NAA15: variants seen among roughly 807,000 people sequenced by gnomAD.
The protein encoded by NAA15 is N-terminal acetyltransferase.
In NAA15, 34 loss-of-function variants were observed where a neutral mutation model predicts 114.0. The observed-to-expected ratio is 0.30, with a 90% CI of 0.23 to 0.40. The LOEUF (loss-of-function observed/expected upper bound fraction) is 0.40. NAA15 is among the 10% of genes least tolerant of loss of function. The pLI, the probability that NAA15 is intolerant of heterozygous loss-of-function variation, is 1.00. For synonymous variants in NAA15, 340 were observed against 338.0 expected, an observed-to-expected ratio of 1.01 and a Z score of -0.06; for missense variants, 658 against 1,004.5, an observed-to-expected ratio of 0.66 and a Z score of 4.66.
At chr4:139,366,603 G>GTT (rs56010406) in intron 14 of NAA15, among the ~76,000 whole-genome samples, 257 of 144,170 alleles carry the variant, frequency 1.8e-3, no homozygotes, top group South Asian at 3.8e-3. Flanking sequence ...TCATTTTTGG[G>GTT]TTTTTTTTTT....
Position 139,359,740 on chromosome 4 carries a change from A to C in NAA15, c.1258-3A>C. 3 of 1,599,520 alleles carry C rather than the reference A, an allele frequency of 1.9e-6. No individual in the cohort carries two copies. Among genetic ancestry groups the C allele is most frequent in the Non-Finnish European group, 2.5e-6 (3 of 1,176,644 alleles). ...GGTTTATTTTGCTTTTGTACCTTAT[A>C]AGCATGCTGGAAATATTAAAGAAGC... On this transcript the variant is annotated splice_polypyrimidine_tract_variant and splice_region_variant and intron_variant, in intron 11 of 19. Coordinates refer to ENST00000296543, the MANE Select transcript of NAA15 (RefSeq NM_057175.5).
In NAA15 at chr4:139,342,808, A is replaced by G. The variant is rs748263793; in HGVS notation, c.403-18A>G. ...ACTAAAAGCCTAAGAAAAAGTGTTT[A>G]TTTTTTTCCTTTTAAAGGAAACGAG... is the stretch of plus-strand genomic sequence containing the variant. On this transcript the variant is annotated intron_variant, in intron 4 of 19. Coordinates refer to ENST00000296543, the MANE Select transcript of NAA15 (RefSeq NM_057175.5). 9 of 1,598,794 alleles carry G rather than the reference A, an allele frequency of 5.6e-6. No homozygotes were observed. In the South Asian group the frequency reaches 1.0e-4, roughly 18 times the overall value.
At position 139,378,872 on chromosome 4, in the gene NAA15, A is replaced by T. The variant is rs774310964; in HGVS notation, c.2155+18A>T. 6.9e-7 allele frequency: 1 copy of T among 1,451,554 alleles called. No individual in the cohort carries two copies. The highest frequency in any genetic ancestry group is 9.3e-7 in the Non-Finnish European group (1 of 1,070,380). The allele number at this position is 1,451,554 out of a possible 1,614,324, so 89.9% of individuals were successfully genotyped here. ...TAATACTGGTATGTTTTTGTTTTCCATTACTTAAGTATTTGATACAGTGGT... is the reference window on the plus strand; with the variant it reads ...TAATACTGGTATGTTTTTGTTTTCCTTTACTTAAGTATTTGATACAGTGGT... On this transcript the variant is annotated intron_variant, in intron 17 of 19. Transcript: ENST00000296543.
chr4:139,372,092 A>T (rs528481934), intron 15 of NAA15, among the ~76,000 whole-genome samples: 265 of 151,824 alleles, frequency 1.7e-3, no homozygotes, highest in Middle Eastern at 3.4e-3. Context: ...ATTTTTTTGT[A>T]TTTTTAGTAG....
intron 9 of NAA15, among the ~76,000 whole-genome samples, chr4:139,351,847 T>C (rs187764614): frequency 6.6e-5 from 10 of 152,310 alleles, no homozygotes; most frequent in African/African-American, 1.4e-4. Context: ...AAACTTTTAA[T>C]GAGTCACTGT....
intron 1 of NAA15, among the ~76,000 whole-genome samples, chr4:139,327,103 T>A (rs1173806176): frequency 6.6e-6 from 1 of 152,070 alleles, no homozygotes; most frequent in Non-Finnish European, 1.5e-5. Context: ...GCCTGGCTAA[T>A]TTTTTGATTT....
At chr4:139,373,881 T>A (rs1748511499) in intron 15 of NAA15, among the ~76,000 whole-genome samples, 2 of 152,204 alleles carry the variant, frequency 1.3e-5, no homozygotes, top group South Asian at 4.1e-4. Flanking sequence ...TGTTTTGTAT[T>A]TTTAGTAGAG....
intron 19 of NAA15, 121 bp downstream of exon 19, chr4:139,386,351 T>G: frequency 2.0e-6 from 1 of 511,080 alleles, no homozygotes; most frequent in Non-Finnish European, 3.4e-6. Context: ...CAGAAACAAC[T>G]TATCTTAAAA....
intron 7 of NAA15, 67 bp from the exon 8 acceptor site, chr4:139,351,124 C>T (rs1261646246): frequency 1.5e-5 from 11 of 756,270 alleles, no homozygotes; most frequent in South Asian, 2.7e-5. Flanking sequence ...TTGAGAAGTT[C>T]GTAATTTTCC....
In NAA15 at chr4:139,375,485, G is replaced by A. The variant is rs570571175; in HGVS notation, c.1948-880G>A. Among the ~76,000 whole-genome samples, 12 of 151,644 alleles carry A rather than the reference G, an allele frequency of 7.9e-5. 1 individual carries two copies. The East Asian group carries it at 2.3e-3, about 29-fold the overall frequency. On this transcript the variant is annotated intron_variant, in intron 15 of 19. Coordinates refer to ENST00000296543, the MANE Select transcript of NAA15 (RefSeq NM_057175.5). ...TTTCTTTTCTTTTTTTAAATGCAGT[G>A]AAACAATTTTCTTGCCCAGAAGCTG...
chr4:139,334,322 T>C (rs1007150470), intron 2 of NAA15, 64 bp downstream of exon 2: 78 of 1,058,390 alleles, frequency 7.4e-5, no homozygotes, highest in Non-Finnish European at 1.0e-4. Flanking sequence ...GATTGTATTC[T>C]TCCCAGCTGC....
At position 139,388,034 on chromosome 4, in the gene NAA15, G is replaced by A. The variant is rs775856940; in HGVS notation, c.2551G>A (p.Val851Ile). 1 of 1,613,924 alleles carries A rather than the reference G, an allele frequency of 6.2e-7. No homozygotes were observed. Among genetic ancestry groups the A allele is most frequent in the Non-Finnish European group, 8.5e-7 (1 of 1,179,908 alleles). Reference sequence around the variant, plus strand: ...ATATGAAGAGGATATGAAGATCACAGTTAATGGAGATAGTTCTGCAGAAGC... The same window carrying A: ...ATATGAAGAGGATATGAAGATCACAATTAATGGAGATAGTTCTGCAGAAGC... ...PGYEEDMKIT[V>I]NGDSSAEAEE... Residue 851 changes from valine (V) to isoleucine (I), a missense_variant, in exon 20 of 20, where the codon GTT becomes ATT. Val to Ile is a conservative substitution (Grantham distance 29). Transcript: ENST00000296543.
chr4:139,308,062 C>T (rs1018046383), intron 1 of NAA15, among the ~76,000 whole-genome samples: 1 of 152,002 alleles, frequency 6.6e-6, no homozygotes, highest in East Asian at 1.9e-4. Context: ...CCCGGGTTCA[C>T]GCCATTCTCC....
chr4:139,378,896 G>T, intron 17 of NAA15, 42 bp downstream of exon 17: 1 of 1,232,318 alleles, frequency 8.1e-7, no homozygotes, highest in Non-Finnish European at 1.1e-6. Context: ...TGATACAGTG[G>T]TTGATGGTGA....
intron 6 of NAA15, among the ~76,000 whole-genome samples, chr4:139,347,404 A>G (rs935853109): frequency 2.0e-5 from 3 of 151,264 alleles, no homozygotes; most frequent in Admixed American, 2.0e-4. Context: ...GGCTGAGACC[A>G]GAGGATCACT....
Position 139,359,867 on chromosome 4 carries a change from C to T in NAA15, c.1382C>T (p.Ala461Val). 6.3e-7 allele frequency: 1 copy of T among 1,598,784 alleles called. No individual in the cohort carries two copies. Among genetic ancestry groups the T allele is most frequent in the Non-Finnish European group, 8.5e-7 (1 of 1,176,896 alleles). Reference protein sequence around the residue: ...YMLKANLIKEAEEMCSKFTRE... With the variant: ...YMLKANLIKEVEEMCSKFTRE... Reference sequence around the variant, plus strand: ...CTAAAAGCCAACCTGATTAAAGAAGCTGAAGAAATGTGCTCAAAGTTTACA... The same window carrying T: ...CTAAAAGCCAACCTGATTAAAGAAGTTGAAGAAATGTGCTCAAAGTTTACA... Residue 461 changes from alanine (A) to valine (V), a missense_variant, in exon 12 of 20, where the codon GCT becomes GTT. By Grantham distance (64) the Ala-to-Val change is moderately conservative. This residue lies in a region of NAA15 where 281 missense variants were observed against 389.1 expected (regional missense o/e 0.72). Transcript: ENST00000296543.
intron 1 of NAA15, among the ~76,000 whole-genome samples, chr4:139,329,803 A>G (rs1236387467): frequency 6.6e-6 from 1 of 152,160 alleles, no homozygotes. Flanking sequence ...TCTCTTTCTC[A>G]GGGTGGTTTC....
chr4:139,371,420 C>T (rs1458458004), intron 15 of NAA15, among the ~76,000 whole-genome samples: 4 of 148,698 alleles, frequency 2.7e-5, no homozygotes, highest in Non-Finnish European at 4.5e-5. Context: ...TATGATCATG[C>T]CTGTGAATAG....
At chr4:139,319,555 C>T (rs1007119918) in intron 1 of NAA15, among the ~76,000 whole-genome samples, 2 of 152,138 alleles carry the variant, frequency 1.3e-5, no homozygotes, top group Non-Finnish European at 2.9e-5. Flanking sequence ...CCCACCTCAG[C>T]CTCGTGGGCG....
Sources: allele counts gnomAD v4.1 joint callset (sites outside exome capture counted in the v4.1 genomes callset), GRCh38; gene constraint gnomAD v4.1.1; regional missense constraint gnomAD v4.1.1; transcripts MANE v1.5; gene names NCBI Gene and HGNC (gene_info 2026-07-23, HGNC 2026-07-21).